Variants in DAZL observed in about 807,000 individuals in gnomAD.
DAZL encodes the protein deleted in azoospermia-like.
In DAZL, 4 loss-of-function variants were observed where a neutral mutation model predicts 45.0. The observed-to-expected ratio is 0.09, with a 90% CI of 0.04 to 0.20. The LOEUF is 0.20. Among genes scored for constraint, DAZL ranks in the 10% least tolerant of loss-of-function variants. DAZL has a pLI of 1.00. For missense variants in DAZL, 326 were observed against 351.3 expected, an observed-to-expected ratio of 0.93 and a Z score of 0.58; for synonymous variants, 122 against 112.4, an observed-to-expected ratio of 1.09 and a Z score of -0.54.
At chr3:16,595,279 C>T in intron 7 of DAZL, 35 bp downstream of exon 7, 2 of 1,247,994 alleles carry the variant, frequency 1.6e-6, no homozygotes, top group Non-Finnish European at 1.1e-6. Flanking sequence ...TCAATAAAAT[C>T]TGAAAGTAAA....
At chr3:16,604,829 G>T in intron 1 of DAZL, 1 of 964,854 alleles carries the variant, frequency 1.0e-6, no homozygotes, top group Non-Finnish European at 1.5e-6. Context: ...GGAGCGCGTG[G>T]GAGTGGGGGC....
At chr3:16,588,793 T>TGGC in intron 10 of DAZL, 80 bp from the exon 11 acceptor site, 1 of 1,146,792 alleles carries the variant, frequency 8.7e-7, no homozygotes, top group Non-Finnish European at 1.3e-6. Flanking sequence ...GTCAAAAACT[T>TGGC]AAACCATTTG....
Position 16,588,724 on chromosome 3 carries a change from C to A in DAZL, c.835-11G>T, listed in dbSNP as rs369230873. ...ATGCACTCTTTTATCCTGGAAAAGA[C>A]AGAAAGAGTCCTTTTACTTTACTGA... is the stretch of plus-strand genomic sequence containing the variant. On this transcript the variant is annotated splice_polypyrimidine_tract_variant and intron_variant, in intron 10 of 10. Transcript: ENST00000399444. The A allele has an allele frequency of 6.2e-7, 1 of 1,608,218 alleles. No individual in the cohort carries two copies. The highest frequency in any genetic ancestry group is 8.5e-7 in the Non-Finnish European group (1 of 1,175,254).
At chr3:16,593,246 G>A (rs1694547967) in intron 9 of DAZL, among the ~76,000 whole-genome samples, 1 of 152,152 alleles carries the variant, frequency 6.6e-6, no homozygotes, top group African/African-American at 2.4e-5. Flanking sequence ...CTGGAATATA[G>A]GAAAGGACTG....
intron 10 of DAZL, among the ~76,000 whole-genome samples, chr3:16,590,862 TG>T (rs1694507796): frequency 6.7e-6 from 1 of 149,642 alleles, no homozygotes; most frequent in African/African-American, 2.5e-5. Flanking sequence ...CTGCACAGGA[TG>T]GGGGAAAATA....
At chr3:16,604,003 G>C (rs542039040) in intron 1 of DAZL, among the ~76,000 whole-genome samples, 3 of 152,096 alleles carry the variant, frequency 2.0e-5, no homozygotes, top group African/African-American at 7.2e-5. Context: ...AAACAATTCG[G>C]ATTTAACTCT....
chr3:16,591,456 G>C (rs908666830), intron 10 of DAZL, among the ~76,000 whole-genome samples: 3 of 147,042 alleles, frequency 2.0e-5, no homozygotes, highest in South Asian at 2.2e-4. Flanking sequence ...TTGAGACAAG[G>C]TCTCACTCTG....
chr3:16,595,761 G>T (rs1315235287), intron 6 of DAZL, among the ~76,000 whole-genome samples: 6 of 151,964 alleles, frequency 3.9e-5, no homozygotes, highest in Non-Finnish European at 8.8e-5. Flanking sequence ...AATACTTCTA[G>T]ACAGTTTTGT....
intron 1 of DAZL, among the ~76,000 whole-genome samples, chr3:16,601,385 C>A (rs1236008648): frequency 6.6e-6 from 1 of 152,138 alleles, no homozygotes; most frequent in Admixed American, 6.5e-5. Context: ...ACTTTAATAG[C>A]GTAATAACAT....
rs1694607447 is a variant in DAZL at position 16,596,834 on chromosome 3, C to G, written c.414G>C (p.Gln138His). The G allele has an allele frequency of 6.2e-7, 1 of 1,613,740 alleles. No individual in the cohort carries two copies. Residue 138 changes from glutamine (Q) to histidine (H), a missense_variant, in exon 6 of 11, where the codon CAG (glutamine) becomes CAC (histidine). Coordinates refer to ENST00000399444, the MANE Select transcript of DAZL (RefSeq NM_001351.4). ...TTGGATTAGTCCAGACATTCTGAAACTGTGGTGGAGGAGGATGATTAAAAA... is the reference window on the plus strand; with the variant it reads ...TTGGATTAGTCCAGACATTCTGAAAGTGTGGTGGAGGAGGATGATTAAAAA... The part of the protein sequence containing the change: ...PLVFNHPPPP[Q>H]FQNVWTNPNT...
chr3:16,593,613 AAAAT>A, intron 9 of DAZL, 38 bp downstream of exon 9: 1 of 1,258,436 alleles, frequency 7.9e-7, no homozygotes, highest in Non-Finnish European at 1.1e-6. Flanking sequence ...AAAACTAGAA[AAAAT>A]AAATATGAAA....
At position 16,605,410 on chromosome 3, in the gene DAZL, A is replaced by G; in HGVS notation, c.-205T>C. The G allele has an allele frequency of 1.5e-6, 1 of 664,334 alleles. No individual in the cohort carries two copies. Among genetic ancestry groups the G allele is most frequent in the Non-Finnish European group, 2.7e-6 (1 of 371,842 alleles). 41.2% of individuals were successfully genotyped at this position (664,334 alleles called of 1,614,324 possible). ...CGAAAGGCGGACCGTCAGGCTGAGG[A>G]GCGCAGGCGGACTGAGGCGTGGTCC... On this transcript the variant is annotated 5_prime_UTR_variant, in exon 1 of 11. Coordinates refer to ENST00000399444, the MANE Select transcript of DAZL (RefSeq NM_001351.4).
chr3:16,602,755 C>T (rs939257995), intron 1 of DAZL, among the ~76,000 whole-genome samples: 1 of 152,028 alleles, frequency 6.6e-6, no homozygotes, highest in Non-Finnish European at 1.5e-5. Flanking sequence ...TCTAAATATC[C>T]AAGTAAAACA....
chr3:16,604,784 T>C, intron 1 of DAZL: 2 of 1,335,732 alleles, frequency 1.5e-6, no homozygotes, highest in East Asian at 2.9e-5. Flanking sequence ...CGGAGGCGCG[T>C]GGGAGTGGGG....
chr3:16,594,892 G>A (rs1450114069), intron 7 of DAZL, among the ~76,000 whole-genome samples: 1 of 152,004 alleles, frequency 6.6e-6, no homozygotes, highest in African/African-American at 2.4e-5. Flanking sequence ...TCTATGTAAA[G>A]AGTCTCAAAG....
chr3:16,592,247 C>T, intron 9 of DAZL, 99 bp from the exon 10 acceptor site: 1 of 1,521,688 alleles, frequency 6.6e-7, no homozygotes. Flanking sequence ...TACTTTATTT[C>T]TAAAGAAATG....
At chr3:16,593,571 G>T in intron 9 of DAZL, 84 bp downstream of exon 9, 1 of 900,612 alleles carries the variant, frequency 1.1e-6, no homozygotes. Flanking sequence ...AATTTCTGCT[G>T]AAGGATGATT....
chr3:16,604,746 G>C, intron 1 of DAZL: 3 of 1,362,944 alleles, frequency 2.2e-6, no homozygotes, highest in Non-Finnish European at 2.8e-6. Flanking sequence ...GCCACGGGGA[G>C]AGCGCGCCAG....
Position 16,587,200 on chromosome 3 carries a change from G to A in DAZL, c.*1460C>T, listed in dbSNP as rs1419245861. On this transcript the variant is annotated 3_prime_UTR_variant, in exon 11 of 11. Coordinates refer to ENST00000399444, the MANE Select transcript of DAZL (RefSeq NM_001351.4). The stretch of plus-strand genomic sequence containing the variant: ...TAAAAGACTCTCTCCTTCAGATTCA[G>A]AATGAAAATTTTAAGGAATTATAGA... The A allele has an allele frequency of 6.6e-6, 1 of 152,064 alleles. No homozygotes were observed. The highest frequency in any genetic ancestry group is 1.9e-4 in the East Asian group (1 of 5,192). 9.4% of individuals were successfully genotyped at this position (152,064 alleles called of 1,614,324 possible).
Sources: allele counts gnomAD v4.1 joint callset (sites outside exome capture counted in the v4.1 genomes callset), GRCh38; gene constraint gnomAD v4.1.1; transcripts MANE v1.5; gene names NCBI Gene and HGNC (gene_info 2026-07-23, HGNC 2026-07-21).